WWOX: variants seen among roughly 807,000 people sequenced by gnomAD.
WWOX encodes the protein WW domain-containing oxidoreductase.
WWOX carries 69 observed loss-of-function variants against 46.2 expected under a neutral mutation model. The ratio of observed to expected loss-of-function variants is 1.49; its 90% confidence interval spans 1.23 to 1.82. The LOEUF (loss-of-function observed/expected upper bound fraction) is 1.82. Ranked by LOEUF, WWOX falls within the 40% of genes most tolerant of loss-of-function variation. The pLI is 0.00. For missense variants in WWOX, 919 were observed against 542.6 expected, an observed-to-expected ratio of 1.69 and a Z score of -6.89; for synonymous variants, 359 against 202.6, an observed-to-expected ratio of 1.77 and a Z score of -6.56.
chr16:78,831,791 C>T (rs2051833546), intron 8 of WWOX, among the ~76,000 whole-genome samples: 1 of 152,220 alleles, frequency 6.6e-6, no homozygotes, highest in South Asian at 2.1e-4. Flanking sequence ...GAAGCTTTTA[C>T]TGAGCATCTA....
chr16:78,553,870 C>G (rs1051097852), intron 8 of WWOX, among the ~76,000 whole-genome samples: 4 of 151,940 alleles, frequency 2.6e-5, no homozygotes, highest in African/African-American at 9.7e-5. Context: ...GAGAGCTTGG[C>G]TGAGGTTGGA....
At chr16:78,746,740 C>G (rs997572381) in intron 8 of WWOX, among the ~76,000 whole-genome samples, 3 of 151,950 alleles carry the variant, frequency 2.0e-5, no homozygotes, top group Non-Finnish European at 4.4e-5. Flanking sequence ...ATAGATGAAA[C>G]AGACCTGAAT....
intron 8 of WWOX, among the ~76,000 whole-genome samples, chr16:78,582,068 T>C (rs1427871888): frequency 6.6e-6 from 1 of 152,234 alleles, no homozygotes; most frequent in African/African-American, 2.4e-5. Flanking sequence ...GAAGGAACGC[T>C]GGGTGCAGAA....
At chr16:78,768,757 C>G (rs900532547) in intron 8 of WWOX, among the ~76,000 whole-genome samples, 1 of 152,112 alleles carries the variant, frequency 6.6e-6, no homozygotes, top group African/African-American at 2.4e-5. Context: ...GTGAAATGCT[C>G]ATTTCACAGC....
At chr16:78,400,801 C>G (rs1209465328) in intron 6 of WWOX, among the ~76,000 whole-genome samples, 3 of 152,212 alleles carry the variant, frequency 2.0e-5, no homozygotes, top group Admixed American at 1.3e-4. Context: ...TCAATCAACA[C>G]TACAATTCAT....
intron 8 of WWOX, among the ~76,000 whole-genome samples, chr16:78,808,784 G>C (rs1216912249): frequency 6.6e-6 from 1 of 152,032 alleles, no homozygotes; most frequent in African/African-American, 2.4e-5. Flanking sequence ...CCAGTGTCGT[G>C]GTGTGTGATC....
At chr16:78,820,908 T>G (rs565623068) in intron 8 of WWOX, among the ~76,000 whole-genome samples, 1 of 152,178 alleles carries the variant, frequency 6.6e-6, no homozygotes, top group Non-Finnish European at 1.5e-5. Flanking sequence ...TAATCTCTAC[T>G]TCCTCCCTTA....
At chr16:78,781,662 C>T (rs995616739) in intron 8 of WWOX, among the ~76,000 whole-genome samples, 10 of 152,140 alleles carry the variant, frequency 6.6e-5, no homozygotes, top group African/African-American at 2.4e-4. Flanking sequence ...TGGCTCATGC[C>T]TCTAATCCTA....
At chr16:78,657,481 T>C (rs543998659) in intron 8 of WWOX, among the ~76,000 whole-genome samples, 3 of 152,100 alleles carry the variant, frequency 2.0e-5, no homozygotes, top group Non-Finnish European at 2.9e-5. Flanking sequence ...GCCACTACGA[T>C]GCATGCTGGG....
At chr16:78,660,712 C>G (rs1465248029) in intron 8 of WWOX, among the ~76,000 whole-genome samples, 1 of 152,172 alleles carries the variant, frequency 6.6e-6, no homozygotes, top group South Asian at 2.1e-4. Context: ...ATTCCCAGAC[C>G]TCTCTCCAAA....
At chr16:78,344,161 C>A (rs1264190804) in intron 5 of WWOX, among the ~76,000 whole-genome samples, 1 of 63,622 alleles carries the variant, frequency 1.6e-5, no homozygotes, top group African/African-American at 5.2e-5. Flanking sequence ...TGAGCATCAT[C>A]CTCGGGCAGG....
At chr16:78,614,248 A>T (rs538456247) in intron 8 of WWOX, among the ~76,000 whole-genome samples, 1 of 152,370 alleles carries the variant, frequency 6.6e-6, no homozygotes, top group Non-Finnish European at 1.5e-5. Context: ...TTTGGGTTTC[A>T]TACAGTCCTT....
chr16:78,601,526 C>G (rs575642454), intron 8 of WWOX, among the ~76,000 whole-genome samples: 10 of 152,182 alleles, frequency 6.6e-5, no homozygotes, highest in African/African-American at 1.9e-4. Flanking sequence ...CATACCCCAC[C>G]GCCATTTTCC....
chr16:78,518,468 G>A (rs913106881), intron 8 of WWOX, among the ~76,000 whole-genome samples: 3 of 152,048 alleles, frequency 2.0e-5, no homozygotes, highest in South Asian at 2.1e-4. Flanking sequence ...TGATCTGTCC[G>A]CCTCGGCCTC....
chr16:78,662,902 T>C (rs767157492), intron 8 of WWOX, among the ~76,000 whole-genome samples: 10 of 152,112 alleles, frequency 6.6e-5, no homozygotes, highest in Non-Finnish European at 8.8e-5. Context: ...TTTGTCCAAG[T>C]GAGAAGGTGA....
chr16:78,919,996 T>C (rs2045341612), intron 8 of WWOX, among the ~76,000 whole-genome samples: 1 of 152,172 alleles, frequency 6.6e-6, no homozygotes, highest in South Asian at 2.1e-4. Flanking sequence ...TCTCATGCTT[T>C]TGGAAGGGAA....
intron 8 of WWOX, among the ~76,000 whole-genome samples, chr16:78,442,003 G>A (rs771712777): frequency 1.3e-5 from 2 of 151,304 alleles, no homozygotes; most frequent in Non-Finnish European, 2.9e-5. Context: ...TGGGCATGGT[G>A]GCTCTTGCCT....
At chr16:78,781,490 C>T (rs1253434814) in intron 8 of WWOX, among the ~76,000 whole-genome samples, 2 of 152,158 alleles carry the variant, frequency 1.3e-5, no homozygotes, top group African/African-American at 4.8e-5. Flanking sequence ...TATCAGCTGG[C>T]ATTACTAGGT....
intron 8 of WWOX, among the ~76,000 whole-genome samples, chr16:79,133,588 G>T (rs961118726): frequency 6.6e-6 from 1 of 152,098 alleles, no homozygotes; most frequent in African/African-American, 2.4e-5. Context: ...GGAGTGCAAG[G>T]TGCAGTCTTT....
Sources: gnomAD v4.1 joint callset for allele counts (sites outside exome capture counted in the v4.1 genomes callset) on GRCh38, gnomAD v4.1.1 for gene constraint, MANE v1.5 for transcripts, NCBI Gene and HGNC (gene_info 2026-07-23, HGNC 2026-07-21) for gene names.